The following PARVA variants were observed in gnomAD, a reference collection of about 807,000 sequenced individuals.
PARVA encodes alpha-parvin.
PARVA carries 25 observed loss-of-function variants against 52.6 expected under a neutral mutation model. The observed-to-expected ratio is 0.48, with a 90% CI of 0.35 to 0.66. The LOEUF (loss-of-function observed/expected upper bound fraction) is 0.66, where lower values mean the gene tolerates loss of function less well. PARVA is among the 30% of genes least tolerant of loss of function. The probability of loss-of-function intolerance (pLI) is 0.01; values close to 1 mark genes in which losing one functional copy is unlikely to be tolerated. For synonymous variants in PARVA, 185 were observed against 179.1 expected, an observed-to-expected ratio of 1.03 and a Z score of -0.26; for missense variants, 373 against 450.9, an observed-to-expected ratio of 0.83 and a Z score of 1.56.
intron 1 of PARVA, among the ~76,000 whole-genome samples, chr11:12,389,883 T>C (rs1939632422): frequency 6.6e-6 from 1 of 152,162 alleles, no homozygotes; most frequent in Non-Finnish European, 1.5e-5. Context: ...ATGCTCTCCC[T>C]GGGAGGGATG....
intron 1 of PARVA, among the ~76,000 whole-genome samples, chr11:12,413,723 C>T (rs755494580): frequency 2.0e-5 from 3 of 152,164 alleles, no homozygotes; most frequent in Non-Finnish European, 4.4e-5. Context: ...CTGGCACAGG[C>T]GGCTCCTTGT....
chr11:12,431,317 T>C (rs1472245780), intron 1 of PARVA, among the ~76,000 whole-genome samples: 1 of 152,214 alleles, frequency 6.6e-6, no homozygotes, highest in Non-Finnish European at 1.5e-5. Flanking sequence ...CTGTCACCCC[T>C]GCGTCCATTC....
At chr11:12,446,905 T>C (rs4757458) in intron 1 of PARVA, among the ~76,000 whole-genome samples, 44,984 of 152,168 alleles carry the variant, frequency 0.3, 7,241 homozygotes, top group Non-Finnish European at 0.35. Context: ...ATGACTCCTA[T>C]AAGTCTATAG....
chr11:12,432,749 T>C (rs147504130), intron 1 of PARVA, among the ~76,000 whole-genome samples: 1 of 152,350 alleles, frequency 6.6e-6, no homozygotes, highest in East Asian at 1.9e-4. Flanking sequence ...TCGAGAATAT[T>C]TTAAAAAGTG....
At chr11:12,470,167 T>C (rs1211653015) in intron 1 of PARVA, among the ~76,000 whole-genome samples, 1 of 152,262 alleles carries the variant, frequency 6.6e-6, no homozygotes, top group Non-Finnish European at 1.5e-5. Flanking sequence ...ATCCTTTGCA[T>C]CCCATTCTCT....
chr11:12,516,412 TA>T (rs1438787130), intron 10 of PARVA, among the ~76,000 whole-genome samples: 1 of 151,794 alleles, frequency 6.6e-6, no homozygotes, highest in African/African-American at 2.4e-5. Context: ...TGGAACCCCC[TA>T]CTCCTCCCAA....
At chr11:12,511,433 A>G in intron 7 of PARVA, 81 bp from the exon 8 acceptor site, 1 of 1,479,640 alleles carries the variant, frequency 6.8e-7, no homozygotes, top group East Asian at 2.3e-5. Context: ...TCCAGCAGTG[A>G]TGGAGTGTCC....
At chr11:12,473,328 T>C (rs1940958574) in intron 1 of PARVA, among the ~76,000 whole-genome samples, 1 of 152,146 alleles carries the variant, frequency 6.6e-6, no homozygotes, top group African/African-American at 2.4e-5. Context: ...AGCGTACATA[T>C]AGCCTCAAAC....
chr11:12,394,022 T>C (rs1939700657), intron 1 of PARVA, among the ~76,000 whole-genome samples: 2 of 152,222 alleles, frequency 1.3e-5, no homozygotes, highest in Admixed American at 6.5e-5. Context: ...AAACCAATAT[T>C]AATCAAGTAT....
At chr11:12,400,251 T>C (rs1939806291) in intron 1 of PARVA, among the ~76,000 whole-genome samples, 1 of 152,236 alleles carries the variant, frequency 6.6e-6, no homozygotes, top group Non-Finnish European at 1.5e-5. Context: ...TTACATTTGC[T>C]TTGTGGGAAC....
chr11:12,487,538 G>C (rs1054992913), intron 4 of PARVA, among the ~76,000 whole-genome samples: 1 of 152,160 alleles, frequency 6.6e-6, no homozygotes, highest in African/African-American at 2.4e-5. Context: ...ATAGCCAAAT[G>C]TAGCTAGTAG....
chr11:12,461,002 T>C (rs1277781853), intron 1 of PARVA, among the ~76,000 whole-genome samples: 3 of 152,172 alleles, frequency 2.0e-5, no homozygotes, highest in Admixed American at 2.0e-4. Flanking sequence ...CATATTGCAT[T>C]GCAGTTTGCG....
At chr11:12,427,296 G>T (rs998689751) in intron 1 of PARVA, among the ~76,000 whole-genome samples, 2 of 152,188 alleles carry the variant, frequency 1.3e-5, no homozygotes, top group African/African-American at 2.4e-5. Flanking sequence ...ACAATTTATT[G>T]TCGTAAAATC....
At chr11:12,523,925 G>A (rs1941669454) in intron 12 of PARVA, among the ~76,000 whole-genome samples, 1 of 152,210 alleles carries the variant, frequency 6.6e-6, no homozygotes, top group African/African-American at 2.4e-5. Context: ...GGCTGAGATA[G>A]TCCAGTCTCC....
In PARVA at chr11:12,477,840, T is replaced by G. The variant is rs1941035940; in HGVS notation, c.298-7T>G. The stretch of plus-strand genomic sequence containing the variant: ...CTATTGCACATTCCCTTTCTCTCTC[T>G]CTGTAGGTATTAATTGACTGGATTA... On this transcript the variant is annotated splice_polypyrimidine_tract_variant and splice_region_variant and intron_variant, in intron 3 of 12. Transcript: ENST00000334956. 6.9e-7 allele frequency: 1 copy of G among 1,443,930 alleles called. No individual in the cohort carries two copies. Among genetic ancestry groups the G allele is most frequent in the Non-Finnish European group, 9.8e-7 (1 of 1,024,618 alleles). The allele number at this position is 1,443,930 out of a possible 1,614,324, so 89.4% of individuals were successfully genotyped here.
chr11:12,377,541 T>G, upstream of PARVA: 1 of 1,465,978 alleles, frequency 6.8e-7, no homozygotes. Context: ...CTTGGAATAA[T>G]TCCGCTTCCG....
In PARVA at chr11:12,425,130, G is replaced by A. The variant is rs191986138; in HGVS notation, c.136+47347G>A. 1.5e-3 allele frequency among the ~76,000 whole-genome samples: 224 copies of A among 152,268 alleles called. 3 individuals carry two copies. Among genetic ancestry groups the A allele is most frequent in the Admixed American group, 0.011 (164 of 15,300 alleles). On this transcript the variant is annotated intron_variant, in intron 1 of 12. Coordinates refer to ENST00000334956, the MANE Select transcript of PARVA (RefSeq NM_018222.5). ...TATGTAACTGGTATTTGAACAGTTC[G>A]AGATGTTCTGAGAATCCATTAGGGG...
intron 4 of PARVA, among the ~76,000 whole-genome samples, chr11:12,493,910 G>A (rs1941263778): frequency 6.6e-6 from 1 of 152,186 alleles, no homozygotes; most frequent in South Asian, 2.1e-4. Flanking sequence ...TAAGGGCTCA[G>A]TGCCACAAGA....
In PARVA at chr11:12,506,522, G is replaced by C. The variant is rs1941433197; in HGVS notation, c.658-2062G>C. 2.6e-5 allele frequency among the ~76,000 whole-genome samples: 4 copies of C among 152,304 alleles called. 1 individual carries two copies. In the South Asian group the frequency reaches 8.3e-4, roughly 32 times the overall value. On this transcript the variant is annotated intron_variant, in intron 6 of 12. Coordinates refer to ENST00000334956, the MANE Select transcript of PARVA (RefSeq NM_018222.5). Reference sequence around the variant, plus strand: ...CAGACTGAATGATGACTGAAAATGTGAGCAGGAGAGAGGGGGCTTCTATTT... The same window carrying C: ...CAGACTGAATGATGACTGAAAATGTCAGCAGGAGAGAGGGGGCTTCTATTT...
Sources: allele counts gnomAD v4.1 joint callset (sites outside exome capture counted in the v4.1 genomes callset), GRCh38; gene constraint gnomAD v4.1.1; transcripts MANE v1.5; gene names NCBI Gene and HGNC (gene_info 2026-07-23, HGNC 2026-07-21).